ANTXR2: variants seen among roughly 807,000 people sequenced by gnomAD.
ANTXR2 encodes the protein ANTXR cell adhesion molecule 2.
Under a neutral mutation model 73.7 loss-of-function variants are expected in ANTXR2, and 44 were observed. The ratio of observed to expected loss-of-function variants is 0.60; its 90% CI spans 0.47 to 0.77. The LOEUF (loss-of-function observed/expected upper bound fraction) is 0.77. Among genes scored for constraint, ANTXR2 ranks in the 30% least tolerant of loss-of-function variants. The probability of loss-of-function intolerance (pLI) is 0.00; values close to 1 mark genes in which losing one functional copy is unlikely to be tolerated. For missense variants in ANTXR2, 604 were observed against 592.5 expected (o/e 1.02, Z -0.20); for synonymous variants, 217 against 205.9 (o/e 1.05, Z -0.46).
intron 7 of ANTXR2, among the ~76,000 whole-genome samples, chr4:80,043,226 T>C (rs1413129797): frequency 6.6e-6 from 1 of 151,152 alleles, no homozygotes; most frequent in African/African-American, 2.4e-5. Flanking sequence ...AAAAAACATA[T>C]TGAGTTCTAA....
At chr4:80,006,417 T>C (rs1731302167) in intron 12 of ANTXR2, among the ~76,000 whole-genome samples, 1 of 152,062 alleles carries the variant, frequency 6.6e-6, no homozygotes, top group Non-Finnish European at 1.5e-5. Context: ...CATTCACTTA[T>C]ATGTAGGTAT....
chr4:79,987,107 C>T (rs1012788357), intron 12 of ANTXR2, among the ~76,000 whole-genome samples: 8 of 152,084 alleles, frequency 5.3e-5, no homozygotes, highest in African/African-American at 9.7e-5. Context: ...CTTACCTCCA[C>T]AAACTATCTC....
At chr4:79,997,240 T>A (rs915252573) in intron 12 of ANTXR2, among the ~76,000 whole-genome samples, 2 of 151,778 alleles carry the variant, frequency 1.3e-5, no homozygotes, top group African/African-American at 4.8e-5. Context: ...AAAAGAACTG[T>A]CAACATTGAA....
chr4:80,071,680 G>A, intron 1 of ANTXR2, 26 bp from the exon 2 acceptor site: 6 of 1,567,766 alleles, frequency 3.8e-6, no homozygotes, highest in Non-Finnish European at 5.3e-6. Flanking sequence ...GAACTGATCA[G>A]AGAAACAAAA....
intron 16 of ANTXR2, among the ~76,000 whole-genome samples, chr4:79,932,750 C>T (rs1728106538): frequency 7.4e-6 from 1 of 135,726 alleles, no homozygotes; most frequent in Non-Finnish European, 1.5e-5. Flanking sequence ...TGAGATCATG[C>T]CATTGCATTC....
intron 16 of ANTXR2, among the ~76,000 whole-genome samples, chr4:79,920,329 A>G (rs540960866): frequency 5.8e-4 from 89 of 152,272 alleles, no homozygotes; most frequent in Non-Finnish European, 1.0e-3. Flanking sequence ...TGTCAAAAAT[A>G]TACAGCAATC....
At chr4:79,923,723 A>G (rs1056297051) in intron 16 of ANTXR2, among the ~76,000 whole-genome samples, 3 of 152,138 alleles carry the variant, frequency 2.0e-5, no homozygotes, top group Non-Finnish European at 4.4e-5. Context: ...TGTTTAAATC[A>G]GTGCACAGTT....
At chr4:79,937,751 G>T (rs184360645) in intron 16 of ANTXR2, among the ~76,000 whole-genome samples, 15 of 151,946 alleles carry the variant, frequency 9.9e-5, no homozygotes, top group Non-Finnish European at 1.9e-4. Context: ...GAACAGCTCC[G>T]GTCTACAGCT....
At chr4:80,010,147 T>G (rs1731502639) in intron 11 of ANTXR2, among the ~76,000 whole-genome samples, 1 of 152,028 alleles carries the variant, frequency 6.6e-6, no homozygotes, top group Non-Finnish European at 1.5e-5. Context: ...GGCAAATACC[T>G]AAGTAGCCTG....
upstream of ANTXR2, chr4:80,073,407 C>CA (rs1238035005): frequency 6.6e-6 from 1 of 152,184 alleles, no homozygotes; most frequent in Non-Finnish European, 1.5e-5. Flanking sequence ...GTATGTCCTG[C>CA]AGGCCTGGCC....
At chr4:79,943,675 T>G (rs1435458716) in intron 16 of ANTXR2, among the ~76,000 whole-genome samples, 2 of 141,942 alleles carry the variant, frequency 1.4e-5, no homozygotes, top group East Asian at 4.2e-4. Flanking sequence ...GCATGGCACA[T>G]GTATACATAT....
chr4:80,027,917 A>G (rs2110078337), intron 10 of ANTXR2, among the ~76,000 whole-genome samples: 1 of 152,298 alleles, frequency 6.6e-6, no homozygotes, highest in Non-Finnish European at 1.5e-5. Context: ...GAACATCCAA[A>G]GAACATCAGA....
chr4:79,988,458 A>G (rs1730304078), intron 12 of ANTXR2, among the ~76,000 whole-genome samples: 1 of 151,870 alleles, frequency 6.6e-6, no homozygotes, highest in South Asian at 2.1e-4. Context: ...TAACTCTCCT[A>G]AATACATACA....
intron 14 of ANTXR2, among the ~76,000 whole-genome samples, chr4:79,981,639 A>G (rs1469258366): frequency 6.6e-6 from 1 of 152,132 alleles, no homozygotes; most frequent in Non-Finnish European, 1.5e-5. Flanking sequence ...CTGAAATCTG[A>G]AAAAAATCCA....
At chr4:79,922,932 A>G (rs536927153) in intron 16 of ANTXR2, among the ~76,000 whole-genome samples, 6 of 152,252 alleles carry the variant, frequency 3.9e-5, no homozygotes, top group African/African-American at 1.4e-4. Context: ...TTTGGATAAC[A>G]GCAAAGTTGA....
chr4:80,011,215 T>C (rs181932766), intron 11 of ANTXR2, among the ~76,000 whole-genome samples: 36 of 151,994 alleles, frequency 2.4e-4, no homozygotes, highest in Non-Finnish European at 4.6e-4. Flanking sequence ...AGACCTAGTA[T>C]ATATATAAGC....
chr4:80,072,695 G>A lies in ANTXR2; in HGVS notation c.-135C>T. 1 of 1,344,326 alleles carries A rather than the reference G, an allele frequency of 7.4e-7. No individual in the cohort carries two copies. Among genetic ancestry groups the A allele is most frequent in the Non-Finnish European group, 9.5e-7 (1 of 1,052,772 alleles). The allele number at this position is 1,344,326 out of a possible 1,614,324, so 83.3% of individuals were successfully genotyped here. A position where few individuals can be genotyped will look rare whatever the true frequency, so the allele number is the denominator to read the frequency against. ...AGCAGCTGAGACGCCGGCGCCTGCG[G>A]CAGCGGGACCCACCAGCTGACAGGG... is the stretch of plus-strand genomic sequence containing the variant. On this transcript the variant is annotated 5_prime_UTR_variant, in exon 1 of 17. Coordinates refer to ENST00000403729, the MANE Select transcript of ANTXR2 (RefSeq NM_058172.6).
intron 3 of ANTXR2, among the ~76,000 whole-genome samples, chr4:80,059,025 A>G (rs1335633328): frequency 6.6e-6 from 1 of 152,038 alleles, no homozygotes; most frequent in Non-Finnish European, 1.5e-5. Flanking sequence ...TGTCCTGACT[A>G]CTGGGGAAGC....
At chr4:79,949,320 C>T (rs1578104731) in intron 16 of ANTXR2, among the ~76,000 whole-genome samples, 1 of 152,124 alleles carries the variant, frequency 6.6e-6, no homozygotes, top group East Asian at 1.9e-4. Flanking sequence ...CAATGCAAGA[C>T]ATTGAACACT....
Sources: allele counts gnomAD v4.1 joint callset (sites outside exome capture counted in the v4.1 genomes callset), GRCh38; gene constraint gnomAD v4.1.1; transcripts MANE v1.5; gene names NCBI Gene and HGNC (gene_info 2026-07-23, HGNC 2026-07-21).